The following YIPF1 variants were observed in gnomAD, a reference collection of about 807,000 sequenced individuals.
YIPF1 encodes Yip1 domain family member 1.
A neutral mutation model predicts 37.0 loss-of-function variants in YIPF1; 22 were observed. The ratio of observed to expected loss-of-function variants is 0.59; its 90% CI spans 0.42 to 0.85. The LOEUF (loss-of-function observed/expected upper bound fraction) is 0.85. YIPF1 is among the 40% of genes least tolerant of loss of function. The pLI is 0.00. For missense variants in YIPF1, 355 were observed against 373.1 expected (o/e 0.95, Z 0.40); for synonymous variants, 128 against 131.9 (o/e 0.97, Z 0.21).
rs1388882231 is a variant in YIPF1, at chr1:53,852,177, T to C, written c.*102A>G. 1 of 152,212 alleles carries C rather than the reference T, an allele frequency of 6.6e-6. No individual in the cohort carries two copies. The highest frequency in any genetic ancestry group is 1.5e-5 in the Non-Finnish European group (1 of 68,042). The allele number at this position is 152,212 out of a possible 1,614,324, so 9.4% of individuals were successfully genotyped here. A position where few individuals can be genotyped will look rare whatever the true frequency, so the allele number is the denominator to read the frequency against. ...GCACCATCCAGACACTGGGAATTTGTGCCACTCCATCAGTTCTGCTGGCTC... is the reference window on the plus strand; with the variant it reads ...GCACCATCCAGACACTGGGAATTTGCGCCACTCCATCAGTTCTGCTGGCTC... On this transcript the variant is annotated 3_prime_UTR_variant, in exon 11 of 11. Coordinates refer to ENST00000072644, the MANE Select transcript of YIPF1 (RefSeq NM_018982.5).
At chr1:53,876,217 T>C (rs1569638052) in intron 6 of YIPF1, among the ~76,000 whole-genome samples, 1 of 152,354 alleles carries the variant, frequency 6.6e-6, no homozygotes, top group East Asian at 1.9e-4. Flanking sequence ...TGGTTTATTC[T>C]TCTAATTTGT....
In YIPF1 at chr1:53,868,730, G is replaced by A. The variant is rs1328199236; in HGVS notation, c.482-1806C>T. On this transcript the variant is annotated intron_variant, in intron 7 of 10. Coordinates refer to ENST00000072644, the MANE Select transcript of YIPF1 (RefSeq NM_018982.5). ...TACATAAAACGGAAAAATGTTTATT[G>A]ATAGGGCCAATGACTACTTTACCAG... is the stretch of plus-strand genomic sequence containing the variant. Among the ~76,000 whole-genome samples, 6 of 152,214 alleles carry A rather than the reference G, an allele frequency of 3.9e-5. No individual in the cohort carries two copies. The South Asian group carries it at 1.0e-3, about 26-fold the overall frequency.
chr1:53,873,403 C>A (rs1450662887), intron 6 of YIPF1, among the ~76,000 whole-genome samples: 1 of 152,104 alleles, frequency 6.6e-6, no homozygotes, highest in African/African-American at 2.4e-5. Context: ...TAAGAGGTAC[C>A]AGTTCGAGGC....
At chr1:53,874,401 T>C (rs1378423370) in intron 6 of YIPF1, among the ~76,000 whole-genome samples, 1 of 152,240 alleles carries the variant, frequency 6.6e-6, no homozygotes, top group African/African-American at 2.4e-5. Context: ...TTTTATATTA[T>C]GAAATATTTC....
At chr1:53,877,450 T>TAC (rs1304093793) in intron 6 of YIPF1, among the ~76,000 whole-genome samples, 2 of 152,214 alleles carry the variant, frequency 1.3e-5, no homozygotes, top group African/African-American at 4.8e-5. Context: ...TATGATCAAG[T>TAC]ACACACACAG....
intron 10 of YIPF1, among the ~76,000 whole-genome samples, chr1:53,859,607 C>A (rs1649811460): frequency 6.6e-6 from 1 of 152,004 alleles, no homozygotes; most frequent in African/African-American, 2.4e-5. Flanking sequence ...GGAGGCTGCA[C>A]TGAGCTGAGA....
At chr1:53,876,343 GA>G (rs1163895586) in intron 6 of YIPF1, among the ~76,000 whole-genome samples, 2 of 152,106 alleles carry the variant, frequency 1.3e-5, no homozygotes, top group African/African-American at 4.8e-5. Flanking sequence ...TTGTTGTGTA[GA>G]AATTTTAAAT....
In YIPF1 at chr1:53,889,432, A is replaced by G. The variant is rs10749693; in HGVS notation, c.-238T>C. ...CCCGATTCTGCTGCTTCTCTGCTGT[A>G]TGCGCGCTCCTCGCGGCCTCAGTTT... On this transcript the variant is annotated 5_prime_UTR_variant, in exon 2 of 11. Transcript: ENST00000072644. The G allele has an allele frequency of 0.6, 93,740 of 157,200 alleles. 28,650 individuals carry two copies. Among genetic ancestry groups the G allele is most frequent in the East Asian group, 0.85 (4,633 of 5,444 alleles). The allele number at this position is 157,200 out of a possible 1,614,324, so 9.7% of individuals were successfully genotyped here. A position where few individuals can be genotyped will look rare whatever the true frequency, so the allele number is the denominator to read the frequency against.
chr1:53,875,757 T>C (rs1650319329), intron 6 of YIPF1, among the ~76,000 whole-genome samples: 1 of 152,224 alleles, frequency 6.6e-6, no homozygotes, highest in Non-Finnish European at 1.5e-5. Context: ...CTGATCCTTC[T>C]GTTTCAAGTG....
intron 6 of YIPF1, among the ~76,000 whole-genome samples, chr1:53,876,283 G>A (rs1650332658): frequency 6.6e-6 from 1 of 152,174 alleles, no homozygotes; most frequent in South Asian, 2.1e-4. Flanking sequence ...TGCATTGGAA[G>A]TATGTCCCCT....
chr1:53,880,850 G>T (rs1248735427), intron 4 of YIPF1, among the ~76,000 whole-genome samples: 4 of 152,138 alleles, frequency 2.6e-5, no homozygotes, highest in Non-Finnish European at 5.9e-5. Context: ...GGGAGAACTG[G>T]CTAGCCATAT....
chr1:53,869,725 T>C (rs1228695710), intron 7 of YIPF1, among the ~76,000 whole-genome samples: 7 of 152,196 alleles, frequency 4.6e-5, no homozygotes, highest in African/African-American at 1.7e-4. Context: ...CTAAAAGCTG[T>C]TTTGTTTTTT....
At chr1:53,874,359 TG>T (rs1343371937) in intron 6 of YIPF1, among the ~76,000 whole-genome samples, 3 of 152,238 alleles carry the variant, frequency 2.0e-5, no homozygotes, top group Non-Finnish European at 4.4e-5. Context: ...TAATTTAGGT[TG>T]TATTTATAAT....
In YIPF1 at chr1:53,866,193, C is replaced by T. The variant is rs908771864; in HGVS notation, c.831+7G>A. 1 of 1,613,202 alleles carries T rather than the reference C, an allele frequency of 6.2e-7. No individual in the cohort carries two copies. The highest frequency in any genetic ancestry group is 8.5e-7 in the Non-Finnish European group (1 of 1,179,488). Reference sequence around the variant, plus strand: ...CACACCAAAAGAATATACGACTGAACCCATACCAAGCAGCCCACAGAAAGC... The same window carrying T: ...CACACCAAAAGAATATACGACTGAATCCATACCAAGCAGCCCACAGAAAGC... On this transcript the variant is annotated splice_region_variant and intron_variant, in intron 9 of 10. Transcript: ENST00000072644.
chr1:53,866,259 C>A lies in YIPF1; in HGVS notation c.772G>T (p.Ala258Ser). The A allele has an allele frequency of 6.2e-7, 1 of 1,614,158 alleles. No individual in the cohort carries two copies. Among genetic ancestry groups the A allele is most frequent in the Non-Finnish European group, 8.5e-7 (1 of 1,180,030 alleles). ...ACAATTGTCACAATTGTGGCCAATG[C>A]AACGCGTCGGTTATCCTCACGAACA... ...PAVREDNRRVALATIVTIVLL... is the reference protein window; with the variant it reads ...PAVREDNRRVSLATIVTIVLL... Residue 258 changes from alanine (A) to serine (S), a missense_variant, in exon 9 of 11, where the codon GCA becomes TCA. Coordinates refer to ENST00000072644, the MANE Select transcript of YIPF1 (RefSeq NM_018982.5).
intron 4 of YIPF1, among the ~76,000 whole-genome samples, chr1:53,882,790 A>T (rs74224025): frequency 4.4e-3 from 105 of 23,770 alleles, no homozygotes; most frequent in African/African-American, 0.028. Flanking sequence ...TAGCAAGGAC[A>T]GCATCAATAT....
intron 6 of YIPF1, among the ~76,000 whole-genome samples, chr1:53,871,878 T>C (rs1650200388): frequency 1.3e-5 from 2 of 152,164 alleles, no homozygotes; most frequent in Middle Eastern, 6.8e-3. Flanking sequence ...TGCCAAATGT[T>C]AGCATCACAG....
chr1:53,871,572 G>A (rs1460280043), intron 6 of YIPF1, 84 bp from the exon 7 acceptor site: 4 of 1,121,970 alleles, frequency 3.6e-6, no homozygotes, highest in Admixed American at 4.2e-5. Flanking sequence ...TCTTCCTCTT[G>A]TATTCATGTT....
intron 9 of YIPF1, among the ~76,000 whole-genome samples, chr1:53,864,710 G>A (rs1649972356): frequency 6.6e-6 from 1 of 152,072 alleles, no homozygotes. Flanking sequence ...CTTGGACTCT[G>A]ATTTTTTTTT....
Sources: allele counts gnomAD v4.1 joint callset (sites outside exome capture counted in the v4.1 genomes callset), GRCh38; gene constraint gnomAD v4.1.1; transcripts MANE v1.5; gene names NCBI Gene and HGNC (gene_info 2026-07-23, HGNC 2026-07-21).